The following NLRC4 variants were observed in gnomAD, a reference collection of about 807,000 sequenced individuals.
NLRC4 encodes the protein NLR family CARD domain-containing protein 4.
Under a neutral mutation model 79.9 loss-of-function variants are expected in NLRC4, and 63 were observed. That is an observed-to-expected ratio of 0.79 (90% CI 0.64 to 0.97). NLRC4 has a LOEUF of 0.97. Ranked by LOEUF, NLRC4 falls within the 50% of genes least tolerant of loss-of-function variation. NLRC4 has a pLI of 0.00. For synonymous variants in NLRC4, 461 were observed against 456.5 expected (o/e 1.01, Z -0.12); for missense variants, 1,074 against 1,215.2 (o/e 0.88, Z 1.73).
chr2:32,234,242 C>T (rs1479869298), intron 8 of NLRC4, among the ~76,000 whole-genome samples: 2 of 151,678 alleles, frequency 1.3e-5, no homozygotes, highest in South Asian at 2.1e-4. Context: ...AAAAATTAGG[C>T]GTGGTGGCTG....
chr2:32,229,008 C>G (rs551764224), intron 8 of NLRC4, among the ~76,000 whole-genome samples: 2 of 151,262 alleles, frequency 1.3e-5, no homozygotes, highest in South Asian at 2.1e-4. Flanking sequence ...TCAAGTGATA[C>G]ACCCACCTTG....
chr2:32,234,361 G>A (rs1203009716), intron 8 of NLRC4, among the ~76,000 whole-genome samples: 1 of 151,586 alleles, frequency 6.6e-6, no homozygotes, highest in African/African-American at 2.4e-5. Context: ...CAGCCTGGGC[G>A]ACAGAGCAAG....
At chr2:32,249,053 C>G (rs981082194) in intron 4 of NLRC4, among the ~76,000 whole-genome samples, 2 of 152,160 alleles carry the variant, frequency 1.3e-5, no homozygotes, top group Admixed American at 1.3e-4. Context: ...TACCTGCTTA[C>G]CTTTGTGCTC....
rs1687023121 is a variant in NLRC4, at chr2:32,249,790, G to C, written c.2074C>G (p.Leu692Val). ...KIFSSATSLR[L>V]QIKRCAGVAG... Reference sequence around the variant, plus strand: ...ACACCAGCACATCTCTTTATTTGCAGCCTGAGGCTTGTGGCAGAGCTGAAT... The same window carrying C: ...ACACCAGCACATCTCTTTATTTGCACCCTGAGGCTTGTGGCAGAGCTGAAT... The change falls in exon 4 of 9, where the codon CTG (leucine) becomes GTG (valine). Residue 692 changes from leucine to valine, a missense_variant. By Grantham distance (32) the Leu-to-Val change is conservative. Coordinates refer to ENST00000402280, the MANE Select transcript of NLRC4 (RefSeq NM_001199138.2). 2 of 1,614,066 alleles carry C rather than the reference G, an allele frequency of 1.2e-6. No homozygotes were observed. The highest frequency in any genetic ancestry group is 2.7e-5 in the African/African-American group (2 of 74,926).
Position 32,238,952 on chromosome 2 carries a change from A to G in NLRC4, c.2351-650T>C, listed in dbSNP as rs76620377. 6.6e-3 allele frequency among the ~76,000 whole-genome samples: 1,004 copies of G among 152,282 alleles called. 15 individuals are homozygous for G. Among genetic ancestry groups the G allele is most frequent in the African/African-American group, 0.023 (971 of 41,556 alleles). On this transcript the variant is annotated intron_variant, in intron 5 of 8. Transcript: ENST00000402280. ...CTTTGTGTCATTAAAATACTGTCTTATCTTGATGGTACTGTAGCCTACGGG... is the reference window on the plus strand; with the variant it reads ...CTTTGTGTCATTAAAATACTGTCTTGTCTTGATGGTACTGTAGCCTACGGG...
intron 2 of NLRC4, among the ~76,000 whole-genome samples, chr2:32,254,502 C>A (rs1344139739): frequency 6.6e-6 from 1 of 151,790 alleles, no homozygotes; most frequent in Non-Finnish European, 1.5e-5. Flanking sequence ...CACACCGTAC[C>A]CAGGCACTGT....
intron 5 of NLRC4, among the ~76,000 whole-genome samples, chr2:32,239,783 C>G (rs146979910): frequency 6.6e-6 from 1 of 152,128 alleles, no homozygotes; most frequent in African/African-American, 2.4e-5. Context: ...AGATCTTGAG[C>G]AAGTCAATAA....
chr2:32,240,088 A>C (rs972386821), intron 5 of NLRC4, among the ~76,000 whole-genome samples: 3 of 152,144 alleles, frequency 2.0e-5, no homozygotes, highest in Non-Finnish European at 4.4e-5. Flanking sequence ...TCAAGTGATT[A>C]TCCTTCCTCA....
intron 1 of NLRC4, among the ~76,000 whole-genome samples, chr2:32,257,633 A>G (rs890756179): frequency 4.7e-5 from 7 of 148,916 alleles, no homozygotes; most frequent in Non-Finnish European, 8.9e-5. Context: ...AAAAAAAAGG[A>G]TAAGTAAGAT....
chr2:32,254,816 C>T (rs1390045278), intron 2 of NLRC4, among the ~76,000 whole-genome samples: 1 of 151,722 alleles, frequency 6.6e-6, no homozygotes, highest in African/African-American at 2.4e-5. Flanking sequence ...TGAGATTTCT[C>T]TATGTTGGTC....
rs747839624 is a variant in NLRC4, at chr2:32,235,568, A to G, written c.2615T>C (p.Ile872Thr). ...KDGNEALHEL[I>T]DRMNVLEQLT... ...CTGTTCTAGCACGTTCATCCTGTCG[A>G]CTGGAAGAAACAAAGAGCAGTTCAG... Residue 872 changes from isoleucine (I) to threonine (T), a missense_variant and splice_region_variant, in exon 8 of 9, where the codon ATC (isoleucine) becomes ACC (threonine). By Grantham distance (89) the Ile-to-Thr change is moderately conservative (BLOSUM62 -1). Transcript: ENST00000402280. The G allele has an allele frequency of 6.2e-7, 1 of 1,612,710 alleles. No homozygotes were observed. The highest frequency in any genetic ancestry group is 8.5e-7 in the Non-Finnish European group (1 of 1,178,954).
At chr2:32,231,949 C>G (rs945543724) in intron 8 of NLRC4, among the ~76,000 whole-genome samples, 21 of 152,180 alleles carry the variant, frequency 1.4e-4, no homozygotes, top group African/African-American at 4.6e-4. Flanking sequence ...TTAGGTTCCT[C>G]ATGCTTATGA....
chr2:32,256,994 C>T, intron 1 of NLRC4, 101 bp from the exon 2 acceptor site: 1 of 492,632 alleles, frequency 2.0e-6, no homozygotes, highest in African/African-American at 1.9e-5. Context: ...AATGGTGACC[C>T]AAACCAGAAA....
intron 8 of NLRC4, among the ~76,000 whole-genome samples, chr2:32,233,213 AGAAG>A (rs1686588717): frequency 1.0e-5 from 1 of 96,500 alleles, no homozygotes; most frequent in African/African-American, 4.1e-5. Context: ...AGGGAAAGGA[AGAAG>A]GAAGGGAGGG....
intron 4 of NLRC4, among the ~76,000 whole-genome samples, chr2:32,243,551 C>T (rs1686855612): frequency 1.3e-5 from 2 of 151,916 alleles, no homozygotes; most frequent in Admixed American, 6.6e-5. Context: ...CTTGTAATCC[C>T]AGCACTTTGG....
chr2:32,242,168 C>T (rs1379797609), intron 4 of NLRC4, among the ~76,000 whole-genome samples: 5 of 151,902 alleles, frequency 3.3e-5, no homozygotes, highest in Non-Finnish European at 5.9e-5. Flanking sequence ...CCACCATGCC[C>T]AGCCCAGAAA....
chr2:32,231,370 T>C (rs1473647175), intron 8 of NLRC4, among the ~76,000 whole-genome samples: 3 of 151,470 alleles, frequency 2.0e-5, no homozygotes, highest in African/African-American at 7.3e-5. Flanking sequence ...TTGGCCAGGC[T>C]GGTCTCGAAC....
intron 1 of NLRC4, among the ~76,000 whole-genome samples, chr2:32,260,779 A>T (rs1687323973): frequency 1.3e-5 from 2 of 152,202 alleles, no homozygotes. Context: ...CATCTGCATA[A>T]TAAAACATAA....
Position 32,249,991 on chromosome 2 carries a change from C to T in NLRC4, c.1873G>A (p.Glu625Lys). ...CCACCTGTGTCTTCTGCAGCCTTTT[C>T]CCATGAAGCCATAGCTCCCCCATAA... ...DFYGGAMASW[E>K]KAAEDTGGIH... The change falls in exon 4 of 9, where the codon GAA becomes AAA. Residue 625 changes from glutamate to lysine, a missense_variant. Transcript: ENST00000402280. The T allele has an allele frequency of 6.2e-7, 1 of 1,614,216 alleles. No individual in the cohort carries two copies. The highest frequency in any genetic ancestry group is 8.5e-7 in the Non-Finnish European group (1 of 1,180,054).
Sources: allele counts gnomAD v4.1 joint callset (sites outside exome capture counted in the v4.1 genomes callset), GRCh38; gene constraint gnomAD v4.1.1; transcripts MANE v1.5; gene names NCBI Gene and HGNC (gene_info 2026-07-23, HGNC 2026-07-21).